PRKCE: variants seen among roughly 807,000 people sequenced by gnomAD.
The protein encoded by PRKCE is protein kinase C epsilon type.
In PRKCE, 16 loss-of-function variants were observed where a neutral mutation model predicts 85.4. The observed-to-expected ratio is 0.19, with a 90% CI of 0.13 to 0.28. The LOEUF is 0.28. Among genes scored for constraint, PRKCE ranks in the 10% least tolerant of loss-of-function variants. The pLI, the probability that PRKCE is intolerant of heterozygous loss-of-function variation, is 1.00. For missense variants in PRKCE, 573 were observed against 975.2 expected (o/e 0.59, Z 5.49); for synonymous variants, 388 against 371.5 (o/e 1.04, Z -0.51).
chr2:46,047,019 CTG>C (rs1465245523), intron 10 of PRKCE, among the ~76,000 whole-genome samples: 1 of 152,216 alleles, frequency 6.6e-6, no homozygotes, highest in Non-Finnish European at 1.5e-5. Context: ...AGCCTGCTCT[CTG>C]TCCCTTCTCC....
At chr2:45,701,298 T>C (rs1050299666) in intron 1 of PRKCE, 5 of 152,076 alleles carry the variant, frequency 3.3e-5, no homozygotes, top group African/African-American at 9.7e-5. Context: ...TTTGGAAAAA[T>C]TGGAAGTACT....
At chr2:46,020,589 A>G (rs1706565923) in intron 10 of PRKCE, among the ~76,000 whole-genome samples, 1 of 152,164 alleles carries the variant, frequency 6.6e-6, no homozygotes, top group Admixed American at 6.5e-5. Flanking sequence ...AACATATTTC[A>G]TTGTTTAGAT....
In PRKCE at chr2:45,907,692, C is replaced by T. The variant is rs1241707585; in HGVS notation, c.412+64629C>T. ...GCCCACATCTGCCGTGGCCACCTCT[C>T]CAAGGCCAAGTGGAGCACAGCACCA... On this transcript the variant is annotated intron_variant, in intron 2 of 14. Transcript: ENST00000306156. This position sits in a 1 kb window ranked among gnomAD's most constrained non-coding sequence, Gnocchi z 4.5. Among the ~76,000 whole-genome samples, 1 of 152,190 alleles carries T rather than the reference C, an allele frequency of 6.6e-6. No individual in the cohort carries two copies. Among genetic ancestry groups the T allele is most frequent in the Non-Finnish European group, 1.5e-5 (1 of 68,042 alleles).
At chr2:45,813,004 T>C (rs905873405) in intron 1 of PRKCE, among the ~76,000 whole-genome samples, 3 of 152,186 alleles carry the variant, frequency 2.0e-5, no homozygotes, top group African/African-American at 7.2e-5. Flanking sequence ...AAGACACGAA[T>C]TGGAAGAAAA....
intron 11 of PRKCE, among the ~76,000 whole-genome samples, chr2:46,093,075 G>A (rs1054484426): frequency 6.6e-6 from 1 of 152,176 alleles, no homozygotes; most frequent in African/African-American, 2.4e-5. Context: ...GTTTTCCCCA[G>A]AGAGCATCGT....
chr2:45,688,641 G>A (rs1677487795), intron 1 of PRKCE, among the ~76,000 whole-genome samples: 1 of 152,116 alleles, frequency 6.6e-6, no homozygotes, highest in Admixed American at 6.6e-5. Context: ...TTGTTTTTGT[G>A]GGTTTCTTGA....
intron 11 of PRKCE, among the ~76,000 whole-genome samples, chr2:46,125,999 A>G (rs948052733): frequency 2.0e-5 from 3 of 152,346 alleles, no homozygotes; most frequent in African/African-American, 7.2e-5. Flanking sequence ...TGGACCGCCA[A>G]GCCAGAGCCC....
At chr2:45,830,629 G>A (rs1690346404) in intron 1 of PRKCE, among the ~76,000 whole-genome samples, 2 of 152,078 alleles carry the variant, frequency 1.3e-5, no homozygotes, top group South Asian at 4.2e-4. Flanking sequence ...TTTCATTTAG[G>A]ACAATGAATC....
intron 2 of PRKCE, among the ~76,000 whole-genome samples, chr2:45,862,852 T>C (rs1168828787): frequency 6.6e-6 from 1 of 152,220 alleles, no homozygotes; most frequent in African/African-American, 2.4e-5. Context: ...AGGGTGCCCC[T>C]AGGCTCAAAG....
intron 1 of PRKCE, among the ~76,000 whole-genome samples, chr2:45,658,991 G>A (rs1046909955): frequency 1.3e-5 from 2 of 152,138 alleles, no homozygotes; most frequent in Non-Finnish European, 2.9e-5. Context: ...GGATATTTGG[G>A]AGCTGGTGTT....
chr2:45,923,546 G>C (rs1229668409), intron 2 of PRKCE, among the ~76,000 whole-genome samples: 1 of 152,224 alleles, frequency 6.6e-6, no homozygotes, highest in Non-Finnish European at 1.5e-5. Flanking sequence ...TCTAGTTTCT[G>C]TCAACCAGCC....
At chr2:46,032,581 C>T (rs1031023200) in intron 10 of PRKCE, among the ~76,000 whole-genome samples, 1 of 152,144 alleles carries the variant, frequency 6.6e-6, no homozygotes, top group African/African-American at 2.4e-5. Flanking sequence ...CAGTCATCTC[C>T]AAAAGTTCCA....
intron 10 of PRKCE, among the ~76,000 whole-genome samples, chr2:46,045,025 A>G (rs1336181102): frequency 1.3e-5 from 2 of 152,246 alleles, no homozygotes; most frequent in African/African-American, 4.8e-5. Flanking sequence ...GCTATATTCT[A>G]CAGGTGAGTT....
chr2:45,735,378 G>T (rs796987081), intron 1 of PRKCE, among the ~76,000 whole-genome samples: 1 of 152,226 alleles, frequency 6.6e-6, no homozygotes, highest in Non-Finnish European at 1.5e-5. Context: ...CAAAGCAGCT[G>T]TAAGACAGCT....
intron 10 of PRKCE, among the ~76,000 whole-genome samples, chr2:46,015,847 A>G (rs1706097243): frequency 1.3e-5 from 2 of 152,202 alleles, no homozygotes; most frequent in African/African-American, 2.4e-5. Flanking sequence ...CTGAGGCACC[A>G]CTACTACTCC....
intron 1 of PRKCE, among the ~76,000 whole-genome samples, chr2:45,772,751 C>G (rs1322117641): frequency 6.6e-6 from 1 of 151,952 alleles, no homozygotes; most frequent in Non-Finnish European, 1.5e-5. Context: ...GGAGCAAGCT[C>G]TGCATGGGGA....
At chr2:46,121,441 C>T (rs1168342960) in intron 11 of PRKCE, among the ~76,000 whole-genome samples, 1 of 152,216 alleles carries the variant, frequency 6.6e-6, no homozygotes, top group Non-Finnish European at 1.5e-5. Context: ...TTCTCTCTGA[C>T]ACCAAGGTGC....
intron 2 of PRKCE, among the ~76,000 whole-genome samples, chr2:45,887,812 A>G (rs901118928): frequency 7.9e-5 from 12 of 152,212 alleles, no homozygotes; most frequent in Non-Finnish European, 7.3e-5. Flanking sequence ...AGCAAATGGC[A>G]GCTACTGCCA....
chr2:45,749,348 T>C (rs971468951), intron 1 of PRKCE, among the ~76,000 whole-genome samples: 3 of 152,230 alleles, frequency 2.0e-5, no homozygotes, highest in Admixed American at 6.5e-5. Context: ...AGCTGAGAGA[T>C]GTGATCTTCA....
Sources: allele counts gnomAD v4.1 joint callset (sites outside exome capture counted in the v4.1 genomes callset), GRCh38; gene constraint gnomAD v4.1.1; non-coding constraint Gnocchi (gnomAD v3.1); transcripts MANE v1.5; gene names NCBI Gene and HGNC (gene_info 2026-07-23, HGNC 2026-07-21).